NUBPL: variants seen among roughly 807,000 people sequenced by gnomAD.
NUBPL encodes iron-sulfur cluster transfer protein NUBPL.
A neutral mutation model predicts 45.7 loss-of-function variants in NUBPL; 31 were observed. That is an observed-to-expected ratio of 0.68 (90% CI 0.51 to 0.92). The LOEUF (loss-of-function observed/expected upper bound fraction) is 0.92, where lower values mean the gene tolerates loss of function less well. NUBPL is among the 40% of genes least tolerant of loss of function. NUBPL has a pLI of 0.00. For synonymous variants in NUBPL, 144 were observed against 140.9 expected, an observed-to-expected ratio of 1.02 and a Z score of -0.15; for missense variants, 401 against 398.7, an observed-to-expected ratio of 1.01 and a Z score of -0.05.
At chr14:31,691,226 C>T (rs191728589) in intron 6 of NUBPL, among the ~76,000 whole-genome samples, 11 of 152,282 alleles carry the variant, frequency 7.2e-5, no homozygotes, top group African/African-American at 1.9e-4. Context: ...GTGAAGATCA[C>T]GAGGATGAAG....
chr14:31,576,569 G>A (rs1008744875), intron 3 of NUBPL, among the ~76,000 whole-genome samples: 2 of 152,138 alleles, frequency 1.3e-5, no homozygotes, highest in African/African-American at 2.4e-5. Context: ...CTTTATCTTA[G>A]TTAATGTATA....
At chr14:31,624,501 A>G (rs915278037) in intron 4 of NUBPL, among the ~76,000 whole-genome samples, 5 of 152,186 alleles carry the variant, frequency 3.3e-5, no homozygotes, top group South Asian at 2.1e-4. Flanking sequence ...GTTGAGATCA[A>G]TGAATCTCAA....
intron 8 of NUBPL, among the ~76,000 whole-genome samples, chr14:31,843,566 A>G (rs1352956991): frequency 6.6e-6 from 1 of 152,212 alleles, no homozygotes; most frequent in Non-Finnish European, 1.5e-5. Flanking sequence ...CACTCATTAT[A>G]TAACTCAGAC....
chr14:31,750,957 A>G (rs567253120), intron 6 of NUBPL, among the ~76,000 whole-genome samples: 2 of 152,214 alleles, frequency 1.3e-5, no homozygotes, highest in Non-Finnish European at 2.9e-5. Flanking sequence ...AGGGAAGCAT[A>G]GAACTTCTTC....
At chr14:31,704,883 C>CACGG (rs2037413756) in intron 6 of NUBPL, among the ~76,000 whole-genome samples, 1 of 152,086 alleles carries the variant, frequency 6.6e-6, no homozygotes, top group Non-Finnish European at 1.5e-5. Flanking sequence ...GACCCTTGTG[C>CACGG]TGAGTGTTAC....
At chr14:31,729,096 CATG>C (rs1471042676) in intron 6 of NUBPL, among the ~76,000 whole-genome samples, 1 of 152,112 alleles carries the variant, frequency 6.6e-6, no homozygotes, top group African/African-American at 2.4e-5. Context: ...GCCTGGCCAA[CATG>C]GAGAAACCCC....
intron 6 of NUBPL, among the ~76,000 whole-genome samples, chr14:31,742,887 G>A (rs558927064): frequency 5.9e-5 from 9 of 151,848 alleles, no homozygotes; most frequent in Non-Finnish European, 8.8e-5. Context: ...GATTACAGGC[G>A]TGAGCCACCG....
At chr14:31,747,596 G>A (rs1299896586) in intron 6 of NUBPL, among the ~76,000 whole-genome samples, 1 of 151,786 alleles carries the variant, frequency 6.6e-6, no homozygotes, top group African/African-American at 2.4e-5. Context: ...CAATTTTTTG[G>A]CATATATTTG....
At chr14:31,777,758 A>G (rs977258280) in intron 6 of NUBPL, among the ~76,000 whole-genome samples, 26 of 152,194 alleles carry the variant, frequency 1.7e-4, no homozygotes, top group Non-Finnish European at 2.6e-4. Context: ...CCTGAGTGGT[A>G]GTATTTACCC....
At chr14:31,616,333 G>T (rs2034898662) in intron 4 of NUBPL, among the ~76,000 whole-genome samples, 1 of 151,994 alleles carries the variant, frequency 6.6e-6, no homozygotes, top group Admixed American at 6.6e-5. Context: ...TTTTAGTCAT[G>T]AAGTCTTTGC....
chr14:31,733,173 A>G (rs2038090639), intron 6 of NUBPL, among the ~76,000 whole-genome samples: 1 of 152,110 alleles, frequency 6.6e-6, no homozygotes, highest in South Asian at 2.1e-4. Context: ...AAAAATGTTT[A>G]TATATATAGA....
At chr14:31,690,677 T>C (rs1328304663) in intron 6 of NUBPL, among the ~76,000 whole-genome samples, 1 of 152,202 alleles carries the variant, frequency 6.6e-6, no homozygotes, top group Non-Finnish European at 1.5e-5. Context: ...TGTCCAAATG[T>C]TGTTCATGAC....
At chr14:31,673,612 A>G in intron 6 of NUBPL, 38 bp downstream of exon 6, 1 of 1,542,656 alleles carries the variant, frequency 6.5e-7, no homozygotes, top group Admixed American at 1.7e-5. Context: ...TATCATTGGC[A>G]AAGCTGTGGT....
Position 31,779,338 on chromosome 14 carries a change from C to CA in NUBPL, c.514-8431dup, listed in dbSNP as rs796240464. ...GGGCAACAAGAATAAAACTCCATCT[C>CA]AAAAAAAAAAAGAAGAAGAAAGAAA... is the stretch of plus-strand genomic sequence containing the variant. On this transcript the variant is annotated intron_variant, in intron 6 of 10. Coordinates refer to ENST00000281081, the MANE Select transcript of NUBPL (RefSeq NM_025152.3). Among the ~76,000 whole-genome samples, 1,246 of 135,414 alleles carry CA rather than the reference C, an allele frequency of 9.2e-3. 15 individuals are homozygous for CA. Among genetic ancestry groups the CA allele is most frequent in the African/African-American group, 0.029 (1,051 of 36,744 alleles). 88.8% of individuals were successfully genotyped at this position (135,414 alleles called of 152,430 possible).
intron 4 of NUBPL, among the ~76,000 whole-genome samples, chr14:31,613,900 T>A (rs1259020794): frequency 2.0e-5 from 3 of 151,742 alleles, no homozygotes; most frequent in Non-Finnish European, 4.4e-5. Flanking sequence ...TCACAAAAAT[T>A]AAAAATAAAA....
intron 8 of NUBPL, among the ~76,000 whole-genome samples, chr14:31,832,666 A>G (rs746518704): frequency 2.0e-5 from 3 of 152,176 alleles, no homozygotes; most frequent in Non-Finnish European, 4.4e-5. Flanking sequence ...GTGGTTTCAA[A>G]TTAAATTGCT....
chr14:31,801,758 T>C (rs1360394066), intron 7 of NUBPL, among the ~76,000 whole-genome samples: 1 of 152,190 alleles, frequency 6.6e-6, no homozygotes, highest in Admixed American at 6.5e-5. Context: ...GGACAAAGAC[T>C]GAGCAACTGA....
chr14:31,813,904 A>G (rs1429877685), intron 7 of NUBPL, among the ~76,000 whole-genome samples: 1 of 152,204 alleles, frequency 6.6e-6, no homozygotes, highest in African/African-American at 2.4e-5. Flanking sequence ...CATGGTGTAT[A>G]TGTGCCACTT....
intron 3 of NUBPL, among the ~76,000 whole-genome samples, chr14:31,582,926 T>A (rs1340905675): frequency 2.0e-5 from 3 of 152,174 alleles, no homozygotes; most frequent in Non-Finnish European, 4.4e-5. Context: ...GAAATTAAAG[T>A]CAGGAAAGAA....
Sources: gnomAD v4.1 joint callset for allele counts (sites outside exome capture counted in the v4.1 genomes callset) on GRCh38, gnomAD v4.1.1 for gene constraint, MANE v1.5 for transcripts, NCBI Gene and HGNC (gene_info 2026-07-23, HGNC 2026-07-21) for gene names.